Variants in NBAS observed in about 807,000 individuals in gnomAD.
The protein encoded by NBAS is NBAS subunit of NRZ tethering complex.
NBAS carries 219 observed loss-of-function variants against 302.5 expected under a neutral mutation model. That is an observed-to-expected ratio of 0.72 (90% CI 0.65 to 0.81). NBAS has a LOEUF of 0.81. Among genes scored for constraint, NBAS ranks in the 30% least tolerant of loss-of-function variants. NBAS has a pLI of 0.00. For synonymous variants in NBAS, 1,118 were observed against 1,021.6 expected (o/e 1.09, Z -1.80); for missense variants, 2,932 against 2,841.6 (o/e 1.03, Z -0.72).
At chr2:14,842,848 A>C in the NBAS span, among the ~76,000 whole-genome samples, 1 of 126,062 alleles carries the variant, frequency 7.9e-6, no homozygotes, top group East Asian at 2.3e-4. Flanking sequence ...GAAAATGACA[A>C]AAAAAAAAAA....
chr2:15,386,897 T>C (rs1459425670), intron 28 of NBAS, among the ~76,000 whole-genome samples: 1 of 152,130 alleles, frequency 6.6e-6, no homozygotes, highest in African/African-American at 2.4e-5. Context: ...TCATAGCCTT[T>C]ATAAATATTC....
the NBAS span, among the ~76,000 whole-genome samples, chr2:14,791,522 G>C: frequency 6.6e-6 from 1 of 152,110 alleles, no homozygotes; most frequent in Non-Finnish European, 1.5e-5. Context: ...ATGGGCATGA[G>C]GTTGGGAACA....
the NBAS span, among the ~76,000 whole-genome samples, chr2:15,039,323 T>C: frequency 1.3e-5 from 2 of 152,220 alleles, no homozygotes; most frequent in African/African-American, 4.8e-5. Flanking sequence ...CCCAGCTTCC[T>C]GTGCTAACAA....
chr2:15,319,819 A>C (rs1295900179), intron 38 of NBAS, among the ~76,000 whole-genome samples: 5 of 152,164 alleles, frequency 3.3e-5, no homozygotes, highest in Non-Finnish European at 1.5e-5. Flanking sequence ...AGAGGTACAG[A>C]GAGGAGCTGG....
chr2:15,151,934 G>A, the NBAS span, among the ~76,000 whole-genome samples: 1 of 151,918 alleles, frequency 6.6e-6, no homozygotes, highest in Non-Finnish European at 1.5e-5. Flanking sequence ...TGCAACCTCC[G>A]CCTCCTGGGT....
the NBAS span, among the ~76,000 whole-genome samples, chr2:14,881,777 C>T: frequency 5.0e-4 from 76 of 152,268 alleles, 2 homozygotes; most frequent in East Asian, 9.5e-3. Flanking sequence ...GGCAGAGCTG[C>T]GTAGTTACAA....
At chr2:14,882,891 A>C in the NBAS span, among the ~76,000 whole-genome samples, 1 of 152,140 alleles carries the variant, frequency 6.6e-6, no homozygotes, top group African/African-American at 2.4e-5. Context: ...ATAGAGACTC[A>C]TATCAGTGTT....
the NBAS span, among the ~76,000 whole-genome samples, chr2:14,878,637 A>C: frequency 1.3e-5 from 2 of 152,156 alleles, no homozygotes; most frequent in African/African-American, 4.8e-5. Flanking sequence ...TTTATTTTTA[A>C]GTAGACTCTA....
chr2:15,555,936 G>GAGAAGTCAGAAAAC (rs1664624749), intron 3 of NBAS, among the ~76,000 whole-genome samples: 1 of 152,138 alleles, frequency 6.6e-6, no homozygotes, highest in Non-Finnish European at 1.5e-5. Flanking sequence ...CTGTCGCCTA[G>GAGAAGTCAGAAAAC]AGAAGTCAGA....
At chr2:15,218,122 T>C (rs1666733258) in intron 48 of NBAS, among the ~76,000 whole-genome samples, 1 of 152,146 alleles carries the variant, frequency 6.6e-6, no homozygotes, top group South Asian at 2.1e-4. Context: ...ATTAGCTAAA[T>C]ATAGAATTAC....
chr2:15,147,589 T>C, the NBAS span, among the ~76,000 whole-genome samples: 2 of 151,818 alleles, frequency 1.3e-5, no homozygotes, highest in African/African-American at 4.9e-5. Flanking sequence ...CGAAACTCCG[T>C]CTCAAAAAAA....
At chr2:14,895,792 C>T in the NBAS span, among the ~76,000 whole-genome samples, 2 of 150,860 alleles carry the variant, frequency 1.3e-5, no homozygotes, top group East Asian at 3.9e-4. Context: ...AGACAACCTA[C>T]AGAATGGGTA....
At chr2:14,951,575 C>A in the NBAS span, among the ~76,000 whole-genome samples, 1 of 152,160 alleles carries the variant, frequency 6.6e-6, no homozygotes, top group Non-Finnish European at 1.5e-5. Flanking sequence ...AGCTCACTCA[C>A]CTATGCATTT....
At chr2:15,326,519 G>A (rs1672074997) in intron 38 of NBAS, among the ~76,000 whole-genome samples, 1 of 152,046 alleles carries the variant, frequency 6.6e-6, no homozygotes, top group Admixed American at 6.6e-5. Context: ...TTTAATCCAT[G>A]AGCAACTGAT....
At chr2:14,812,227 A>G in the NBAS span, among the ~76,000 whole-genome samples, 1 of 152,220 alleles carries the variant, frequency 6.6e-6, no homozygotes. Context: ...CCAGGTTACA[A>G]GAAGGGGCAT....
At chr2:15,277,152 A>C in intron 42 of NBAS, 51 bp from the exon 43 acceptor site, 1 of 1,543,694 alleles carries the variant, frequency 6.5e-7, no homozygotes, top group African/African-American at 2.3e-5. Context: ...CCTTTATTAA[A>C]GTGATTTTTT....
intron 48 of NBAS, among the ~76,000 whole-genome samples, chr2:15,218,281 T>C (rs1666744004): frequency 6.6e-6 from 1 of 152,172 alleles, no homozygotes. Flanking sequence ...TGTTCAAGCT[T>C]ATGGAAAAAT....
downstream of NBAS, among the ~76,000 whole-genome samples, chr2:15,165,161 T>C (rs1663983791): frequency 6.6e-6 from 1 of 152,256 alleles, no homozygotes; most frequent in Non-Finnish European, 1.5e-5. Context: ...GCTCACTCAA[T>C]GTTTTCATTC....
the NBAS span, among the ~76,000 whole-genome samples, chr2:14,984,080 T>C: frequency 6.6e-6 from 1 of 152,102 alleles, no homozygotes; most frequent in Non-Finnish European, 1.5e-5. Flanking sequence ...ATATAACCAA[T>C]GAAGAAAACT....
Sources: allele counts gnomAD v4.1 joint callset (sites outside exome capture counted in the v4.1 genomes callset), GRCh38; gene constraint gnomAD v4.1.1; transcripts MANE v1.5; gene names NCBI Gene and HGNC (gene_info 2026-07-23, HGNC 2026-07-21).